Variants in TSG101 observed in about 807,000 individuals in gnomAD.
TSG101 encodes the protein tumor susceptibility gene 101 protein.
TSG101 carries 19 observed loss-of-function variants against 48.5 expected under a neutral mutation model. That is an observed-to-expected ratio of 0.39 (90% CI 0.27 to 0.58). TSG101 has a LOEUF of 0.58. TSG101 is among the 20% of genes least tolerant of loss of function. The pLI is 0.55. For missense variants in TSG101, 365 were observed against 484.4 expected (o/e 0.75, Z 2.31); for synonymous variants, 174 against 169.4 (o/e 1.03, Z -0.21).
At chr11:18,525,013 C>T (rs1193068025) in intron 1 of TSG101, among the ~76,000 whole-genome samples, 1 of 150,760 alleles carries the variant, frequency 6.6e-6, no homozygotes, top group Admixed American at 6.6e-5. Flanking sequence ...CAGGTTCAAG[C>T]GATTCTCCCA....
chr11:18,487,100 C>A (rs1449533823), intron 7 of TSG101, among the ~76,000 whole-genome samples: 1 of 129,286 alleles, frequency 7.7e-6, no homozygotes, highest in African/African-American at 3.1e-5. Flanking sequence ...AGGGGAACAT[C>A]ACACATCGGG....
At chr11:18,519,698 A>G in intron 1 of TSG101, 95 bp from the exon 2 acceptor site, 2 of 868,644 alleles carry the variant, frequency 2.3e-6, no homozygotes, top group African/African-American at 1.7e-5. Flanking sequence ...ACTAATTGTT[A>G]ACATTAATGA....
At chr11:18,516,889 C>T (rs1387125084) in intron 2 of TSG101, among the ~76,000 whole-genome samples, 3 of 151,872 alleles carry the variant, frequency 2.0e-5, no homozygotes, top group Non-Finnish European at 4.4e-5. Flanking sequence ...TGCAGTGAGC[C>T]GAGACTGTGC....
intron 1 of TSG101, among the ~76,000 whole-genome samples, chr11:18,524,661 G>A (rs544374913): frequency 2.6e-5 from 4 of 152,176 alleles, no homozygotes; most frequent in African/African-American, 9.6e-5. Context: ...TTGAGTCAAG[G>A]ACCAAAAGGC....
chr11:18,509,740 A>G (rs1850047684), intron 4 of TSG101, 75 bp from the exon 5 acceptor site: 2 of 1,453,620 alleles, frequency 1.4e-6, no homozygotes, highest in East Asian at 2.3e-5. Flanking sequence ...GCCATTTCTC[A>G]TCGGTTTTCA....
Position 18,481,887 on chromosome 11 carries a change from C to T in TSG101, c.844-18G>A, listed in dbSNP as rs752473271. 1 of 1,610,490 alleles carries T rather than the reference C, an allele frequency of 6.2e-7. No homozygotes were observed. Among genetic ancestry groups the T allele is most frequent in the Admixed American group, 1.7e-5 (1 of 59,778 alleles). On this transcript the variant is annotated intron_variant, in intron 8 of 9. Transcript: ENST00000251968. ...ACCTCGGCCTGAAAACAGAACAGTCCAAGCATTAATAACTGTACATAATTA... is the reference window on the plus strand; with the variant it reads ...ACCTCGGCCTGAAAACAGAACAGTCTAAGCATTAATAACTGTACATAATTA...
At chr11:18,505,923 T>C (rs1302813658) in intron 6 of TSG101, among the ~76,000 whole-genome samples, 1 of 151,976 alleles carries the variant, frequency 6.6e-6, no homozygotes, top group Non-Finnish European at 1.5e-5. Flanking sequence ...GTTCAAGCAA[T>C]TCTCCTACCT....
intron 8 of TSG101, among the ~76,000 whole-genome samples, chr11:18,483,583 C>T (rs1288483666): frequency 6.6e-6 from 1 of 151,582 alleles, no homozygotes; most frequent in East Asian, 1.9e-4. Context: ...CCAATTAAAC[C>T]TCTTTTTCTC....
At position 18,521,308 on chromosome 11, in the gene TSG101, G is replaced by GTCAGCAGTATTTGACCAAGCTGAT. The variant is rs1850268596; in HGVS notation, c.43-1729_43-1706dup. Among the ~76,000 whole-genome samples, 4 of 144,548 alleles carry GTCAGCAGTATTTGACCAAGCTGAT rather than the reference G, an allele frequency of 2.8e-5. No individual in the cohort carries two copies. In the South Asian group the frequency reaches 8.8e-4, roughly 32 times the overall value. 94.8% of individuals were successfully genotyped at this position (144,548 alleles called of 152,430 possible). ...ATTCTACCTTTGTCTTACTTCACCT[G>GTCAGCAGTATTTGACCAAGCTGAT]TCAGCAGTATTTGACCAAGCTGATT... On this transcript the variant is annotated intron_variant, in intron 1 of 9. Coordinates refer to ENST00000251968, the MANE Select transcript of TSG101 (RefSeq NM_006292.4).
At chr11:18,524,198 A>C (rs1850327650) in intron 1 of TSG101, among the ~76,000 whole-genome samples, 1 of 152,268 alleles carries the variant, frequency 6.6e-6, no homozygotes, top group African/African-American at 2.4e-5. Context: ...TAAAGTGGGA[A>C]GTTGTTTCTG....
At chr11:18,500,758 C>T (rs1356864875) in intron 7 of TSG101, among the ~76,000 whole-genome samples, 5 of 151,700 alleles carry the variant, frequency 3.3e-5, no homozygotes, top group African/African-American at 1.2e-4. Context: ...TTTTCTCCCA[C>T]TCAACAGGTC....
chr11:18,490,356 T>C (rs1849680650), intron 7 of TSG101: 2 of 604,266 alleles, frequency 3.3e-6, no homozygotes, highest in Non-Finnish European at 3.2e-6. Context: ...ATTCAGTGTA[T>C]CCAATTCAGT....
intron 7 of TSG101, among the ~76,000 whole-genome samples, chr11:18,498,114 T>C (rs1339269869): frequency 6.6e-6 from 1 of 151,856 alleles, no homozygotes; most frequent in African/African-American, 2.4e-5. Flanking sequence ...TGGCAGCAAA[T>C]TGGTAAGGAT....
chr11:18,500,503 T>C (rs529621846), intron 7 of TSG101, among the ~76,000 whole-genome samples: 4 of 152,326 alleles, frequency 2.6e-5, no homozygotes, highest in African/African-American at 9.6e-5. Context: ...TTATTTTTTG[T>C]CTTTTTAATA....
Position 18,522,535 on chromosome 11 carries a change from C to G in TSG101, c.43-2932G>C, listed in dbSNP as rs146239899. On this transcript the variant is annotated intron_variant, in intron 1 of 9. Transcript: ENST00000251968. ...GTCCTGGTCTAAGCCACCAGCACCTCTCACCTAGATTACTGCAACAGCCTC... is the reference window on the plus strand; with the variant it reads ...GTCCTGGTCTAAGCCACCAGCACCTGTCACCTAGATTACTGCAACAGCCTC... Among the ~76,000 whole-genome samples the G allele has an allele frequency of 1.0e-3, 156 of 152,352 alleles. 1 individual carries two copies. The highest frequency in any genetic ancestry group is 3.5e-3 in the African/African-American group (146 of 41,586).
chr11:18,484,944 T>TC, intron 7 of TSG101, among the ~76,000 whole-genome samples: 1 of 143,838 alleles, frequency 7.0e-6, no homozygotes, highest in Non-Finnish European at 1.5e-5. Context: ...CCTTTTTTTT[T>TC]TTTTTTTTTT....
intron 1 of TSG101, among the ~76,000 whole-genome samples, chr11:18,520,161 C>T (rs1850245652): frequency 6.6e-6 from 1 of 152,172 alleles, no homozygotes; most frequent in African/African-American, 2.4e-5. Context: ...TCTTTCATGA[C>T]TAAATTATTT....
chr11:18,483,097 C>T (rs896552737), intron 8 of TSG101, among the ~76,000 whole-genome samples: 6 of 151,928 alleles, frequency 3.9e-5, no homozygotes, highest in South Asian at 4.2e-4. Context: ...TCATGGGAGC[C>T]GGTCTTTCTA....
intron 7 of TSG101, among the ~76,000 whole-genome samples, chr11:18,493,699 G>T (rs1228249580): frequency 6.6e-6 from 1 of 152,000 alleles, no homozygotes; most frequent in Non-Finnish European, 1.5e-5. Flanking sequence ...GAACATATGA[G>T]GATTATTTTT....
Sources: allele counts gnomAD v4.1 joint callset (sites outside exome capture counted in the v4.1 genomes callset), GRCh38; gene constraint gnomAD v4.1.1; transcripts MANE v1.5; gene names NCBI Gene and HGNC (gene_info 2026-07-23, HGNC 2026-07-21).